The following KCNJ1 variants were observed in gnomAD, a reference collection of about 807,000 sequenced individuals.
KCNJ1 encodes potassium inwardly rectifying channel subfamily J member 1.
Under a neutral mutation model 21.9 loss-of-function variants are expected in KCNJ1, and 24 were observed. That is an observed-to-expected ratio of 1.10 (90% confidence interval 0.79 to 1.54). The LOEUF (loss-of-function observed/expected upper bound fraction) is 1.54, where lower values mean the gene tolerates loss of function less well. Among genes scored for constraint, KCNJ1 ranks in the 40% most tolerant of loss-of-function variants. KCNJ1 has a pLI of 0.00. For synonymous variants in KCNJ1, 152 were observed against 160.9 expected, an observed-to-expected ratio of 0.94 and a Z score of 0.42; for missense variants, 457 against 455.4, an observed-to-expected ratio of 1.00 and a Z score of -0.03.
In KCNJ1 at chr11:128,839,202, C is replaced by T. The variant is rs759549336; in HGVS notation, c.1042G>A (p.Ala348Thr). 1.9e-6 allele frequency: 3 copies of T among 1,614,150 alleles called. No individual in the cohort carries two copies. Among genetic ancestry groups the T allele is most frequent in the Non-Finnish European group, 2.5e-6 (3 of 1,180,014 alleles). ...TTGTCATAGCCTCTCTTCATCCTGG[C>T]TCTAACATCTTTCTCATTATAAAGG... ...MCLYNEKDVR[A>T]RMKRGYDNPN... Residue 348 changes from alanine to threonine, a missense_variant, in exon 3 of 3, where the codon GCC (alanine) becomes ACC (threonine). Physicochemically the swap from Ala to Thr is moderately conservative, Grantham distance 58. Coordinates refer to ENST00000392666, the MANE Select transcript of KCNJ1 (RefSeq NM_153766.3).
intron 2 of KCNJ1, chr11:128,842,337 T>C (rs1466955500): frequency 1.2e-6 from 2 of 1,608,474 alleles, no homozygotes; most frequent in East Asian, 4.5e-5. Context: ...TGAAACATTA[T>C]CTGCCTGGCT....
intron 1 of KCNJ1, among the ~76,000 whole-genome samples, chr11:128,862,542 G>A (rs1383935901): frequency 6.6e-6 from 1 of 152,172 alleles, no homozygotes; most frequent in Admixed American, 6.5e-5. Flanking sequence ...ACTGGGTCGG[G>A]GAGCCTGGTT....
intron 1 of KCNJ1, among the ~76,000 whole-genome samples, chr11:128,864,074 C>CT (rs71472076): frequency 0.026 from 2,240 of 86,698 alleles, 311 homozygotes; most frequent in East Asian, 0.045. Context: ...CTTTTTCTCT[C>CT]TTTTTTTTTT....
chr11:128,856,528 G>T (rs1943594336), intron 1 of KCNJ1, among the ~76,000 whole-genome samples: 1 of 152,220 alleles, frequency 6.6e-6, no homozygotes, highest in Non-Finnish European at 1.5e-5. Flanking sequence ...TGTACGCTGG[G>T]ACAGCACATC....
intron 1 of KCNJ1, among the ~76,000 whole-genome samples, chr11:128,853,428 A>G (rs1393957667): frequency 6.6e-6 from 1 of 152,252 alleles, no homozygotes; most frequent in Non-Finnish European, 1.5e-5. Flanking sequence ...GTATGATTCC[A>G]TGTAGATGAG....
At chr11:128,857,617 G>A (rs920794692) in intron 1 of KCNJ1, among the ~76,000 whole-genome samples, 2 of 152,232 alleles carry the variant, frequency 1.3e-5, no homozygotes, top group African/African-American at 2.4e-5. Context: ...CCAGGGGAGA[G>A]AGAAGCTATT....
chr11:128,866,526 T>G, intron 1 of KCNJ1: 1 of 976,342 alleles, frequency 1.0e-6, no homozygotes. Context: ...TCCATACCTG[T>G]TCAGAGCAGA....
intron 2 of KCNJ1, among the ~76,000 whole-genome samples, chr11:128,842,028 C>T (rs1370501888): frequency 2.0e-5 from 3 of 152,216 alleles, no homozygotes; most frequent in African/African-American, 7.2e-5. Context: ...TGACCTCTCT[C>T]CCAGGTGCAT....
rs1314869734 is a variant in KCNJ1 at position 128,839,807 on chromosome 11, A to G, written c.437T>C (p.Ile146Thr). 1 of 1,614,190 alleles carries G rather than the reference A, an allele frequency of 6.2e-7. No individual in the cohort carries two copies. Among genetic ancestry groups the G allele is most frequent in the East Asian group, 2.2e-5 (1 of 44,884 alleles). ...GAAAGAATTGATTATAACTCCAAGT[A>G]TAGACTGAAAGATAAGCAGAAAAAT... ...TAIFLLIFQSILGVIINSFMC... is the reference protein window; with the variant it reads ...TAIFLLIFQSTLGVIINSFMC... Residue 146 changes from isoleucine (I) to threonine (T), a missense_variant, in exon 3 of 3, where the codon ATA (isoleucine) becomes ACA (threonine). Ile to Thr is a moderately conservative substitution (Grantham distance 89, BLOSUM62 -1). Coordinates refer to ENST00000392666, the MANE Select transcript of KCNJ1 (RefSeq NM_153766.3).
chr11:128,863,671 T>C (rs1943758577), intron 1 of KCNJ1, among the ~76,000 whole-genome samples: 1 of 152,324 alleles, frequency 6.6e-6, no homozygotes, highest in East Asian at 1.9e-4. Flanking sequence ...TTCAATGCTC[T>C]GGTTTTAAAT....
At chr11:128,866,506 G>A (rs1388066659) in intron 1 of KCNJ1, 1 of 956,732 alleles carries the variant, frequency 1.0e-6, no homozygotes, top group Non-Finnish European at 1.2e-6. Flanking sequence ...CAGATATTGG[G>A]AGAAGGGGCT....
chr11:128,866,248 C>T (rs780845345), intron 1 of KCNJ1, among the ~76,000 whole-genome samples: 19 of 152,140 alleles, frequency 1.2e-4, no homozygotes, highest in Non-Finnish European at 2.1e-4. Context: ...CCCAGGGCTA[C>T]GGAATGGCCC....
intron 1 of KCNJ1, among the ~76,000 whole-genome samples, chr11:128,865,927 C>A (rs1466710586): frequency 6.6e-6 from 1 of 152,166 alleles, no homozygotes; most frequent in Admixed American, 6.5e-5. Context: ...ACAAGGAATT[C>A]ACATACTCTG....
intron 1 of KCNJ1, among the ~76,000 whole-genome samples, chr11:128,864,822 T>C (rs531560360): frequency 6.6e-6 from 1 of 152,272 alleles, no homozygotes; most frequent in East Asian, 1.9e-4. Flanking sequence ...CCAGACTTTG[T>C]GTCTTCTCCC....
chr11:128,849,405 G>A (rs1254254007), intron 2 of KCNJ1, among the ~76,000 whole-genome samples: 2 of 152,230 alleles, frequency 1.3e-5, no homozygotes, highest in East Asian at 3.8e-4. Context: ...ATGAGAGGGT[G>A]AGAGCTAGCA....
At chr11:128,854,268 C>A (rs1201280629) in intron 1 of KCNJ1, among the ~76,000 whole-genome samples, 1 of 152,204 alleles carries the variant, frequency 6.6e-6, no homozygotes, top group Non-Finnish European at 1.5e-5. Context: ...CTCCCTCTTT[C>A]TCCTTCTTTC....
intron 1 of KCNJ1, among the ~76,000 whole-genome samples, chr11:128,851,868 G>A (rs1230577482): frequency 1.3e-5 from 2 of 152,206 alleles, no homozygotes; most frequent in Non-Finnish European, 2.9e-5. Flanking sequence ...AGGCAAAGAA[G>A]GCTGGTGTAG....
rs965865594 is a variant in KCNJ1 at position 128,849,780 on chromosome 11, C to T, written c.-22+941G>A. On this transcript the variant is annotated intron_variant, in intron 2 of 2. Transcript: ENST00000392666. ...CTGAGGTTGTGGGAGTGACATTTTACACTTAGGGACATCTGTAGGCCTCTA... is the reference window on the plus strand; with the variant it reads ...CTGAGGTTGTGGGAGTGACATTTTATACTTAGGGACATCTGTAGGCCTCTA... Among the ~76,000 whole-genome samples, 64 of 152,278 alleles carry T rather than the reference C, an allele frequency of 4.2e-4. 1 individual carries two copies. Among genetic ancestry groups the T allele is most frequent in the African/African-American group, 1.5e-3 (61 of 41,560 alleles).
chr11:128,856,553 T>C (rs931513540), intron 1 of KCNJ1, among the ~76,000 whole-genome samples: 1 of 152,236 alleles, frequency 6.6e-6, no homozygotes, highest in Non-Finnish European at 1.5e-5. Flanking sequence ...CATAGGCATC[T>C]TGGACTGAAA....
Sources: gnomAD v4.1 joint callset for allele counts (sites outside exome capture counted in the v4.1 genomes callset) on GRCh38, gnomAD v4.1.1 for gene constraint, MANE v1.5 for transcripts, NCBI Gene and HGNC (gene_info 2026-07-23, HGNC 2026-07-21) for gene names.